Variants in GALNT13 observed in about 807,000 individuals in gnomAD.
GALNT13 encodes the protein UDP-GalNAc:polypeptide N-acetylgalactosaminyltransferase 13.
GALNT13 carries 28 observed loss-of-function variants against 64.2 expected under a neutral mutation model. The ratio of observed to expected loss-of-function variants is 0.44; its 90% CI spans 0.32 to 0.60. The LOEUF is 0.60. GALNT13 is among the 20% of genes least tolerant of loss of function. GALNT13 has a pLI of 0.05. For missense variants in GALNT13, 577 were observed against 669.8 expected (o/e 0.86, Z 1.53); for synonymous variants, 214 against 224.6 (o/e 0.95, Z 0.42).
At chr2:154,251,454 G>C (rs1241438240) in intron 7 of GALNT13, among the ~76,000 whole-genome samples, 1 of 152,156 alleles carries the variant, frequency 6.6e-6, no homozygotes, top group Non-Finnish European at 1.5e-5. Context: ...TTATTGGTAA[G>C]TGGGTTCTTT....
chr2:153,669,013 C>T, the GALNT13 span, among the ~76,000 whole-genome samples: 1 of 152,196 alleles, frequency 6.6e-6, no homozygotes, highest in East Asian at 1.9e-4. Context: ...GCCTTTCTGT[C>T]TGCTGGTCTT....
At chr2:153,989,902 T>G (rs1176242676) in intron 3 of GALNT13, among the ~76,000 whole-genome samples, 1 of 151,942 alleles carries the variant, frequency 6.6e-6, no homozygotes, top group Non-Finnish European at 1.5e-5. Flanking sequence ...ACAATAGAAT[T>G]AACTCCAGTA....
intron 4 of GALNT13, among the ~76,000 whole-genome samples, chr2:154,141,038 CATT>C (rs1683228966): frequency 6.6e-6 from 1 of 152,036 alleles, no homozygotes; most frequent in Non-Finnish European, 1.5e-5. Flanking sequence ...ATAAATGTAA[CATT>C]ATGTTAAGTA....
chr2:153,472,899 C>T, the GALNT13 span, among the ~76,000 whole-genome samples: 1 of 152,070 alleles, frequency 6.6e-6, no homozygotes. Context: ...ATGGATGAAG[C>T]TGGAAACCAT....
At chr2:153,286,111 C>G in the GALNT13 span, among the ~76,000 whole-genome samples, 1 of 151,972 alleles carries the variant, frequency 6.6e-6, no homozygotes, top group Non-Finnish European at 1.5e-5. Flanking sequence ...ATTAAAAGTA[C>G]TAGGAAATGA....
At chr2:153,115,072 C>A in the GALNT13 span, among the ~76,000 whole-genome samples, 1 of 151,284 alleles carries the variant, frequency 6.6e-6, no homozygotes, top group Non-Finnish European at 1.5e-5. Flanking sequence ...AAGCAGAATG[C>A]TTTCTTCATA....
At chr2:153,230,528 A>C in the GALNT13 span, among the ~76,000 whole-genome samples, 7 of 152,190 alleles carry the variant, frequency 4.6e-5, no homozygotes. Flanking sequence ...GGAACCCCAA[A>C]TAATTCATCA....
chr2:153,303,155 A>G, the GALNT13 span, among the ~76,000 whole-genome samples: 1 of 152,274 alleles, frequency 6.6e-6, no homozygotes, highest in Non-Finnish European at 1.5e-5. Flanking sequence ...TACAATATTA[A>G]TTCTGGAAAT....
the GALNT13 span, among the ~76,000 whole-genome samples, chr2:153,549,345 G>GT: frequency 2.6e-5 from 4 of 152,144 alleles, no homozygotes; most frequent in South Asian, 4.1e-4. Context: ...TTATTTAACT[G>GT]TTTTTTTAAG....
chr2:153,676,715 G>A, the GALNT13 span, among the ~76,000 whole-genome samples: 3 of 151,976 alleles, frequency 2.0e-5, no homozygotes, highest in Non-Finnish European at 2.9e-5. Context: ...ATGCAAGGAT[G>A]GTTCAACATA....
the GALNT13 span, among the ~76,000 whole-genome samples, chr2:153,752,874 A>G: frequency 6.6e-6 from 1 of 152,130 alleles, no homozygotes; most frequent in South Asian, 2.1e-4. Flanking sequence ...TAAGGCCAAT[A>G]ACTCTTAGAT....
rs138179325 is a variant in GALNT13 at position 154,056,020 on chromosome 2, T to A, written c.143-84317T>A. Among the ~76,000 whole-genome samples the A allele has an allele frequency of 5.8e-3, 887 of 152,248 alleles. 12 individuals carry two copies. Among genetic ancestry groups the A allele is most frequent in the Non-Finnish European group, 6.8e-3 (459 of 67,958 alleles). On this transcript the variant is annotated intron_variant, in intron 3 of 12. Transcript: ENST00000392825. ...TTGTAGTTATAATTCTGTGACAGGC[T>A]TTTCTTCATGTCAGAATTACTGATC...
At chr2:153,133,850 A>ATCT in the GALNT13 span, among the ~76,000 whole-genome samples, 1 of 152,206 alleles carries the variant, frequency 6.6e-6, no homozygotes. Flanking sequence ...TAACTGGAAG[A>ATCT]TAAGAGCTGT....
At chr2:153,329,815 A>G in the GALNT13 span, among the ~76,000 whole-genome samples, 10 of 152,136 alleles carry the variant, frequency 6.6e-5, no homozygotes, top group South Asian at 1.9e-3. Flanking sequence ...TTTTTGTTGC[A>G]ATTGCTTTTG....
chr2:153,522,248 G>C, the GALNT13 span, among the ~76,000 whole-genome samples: 1 of 151,890 alleles, frequency 6.6e-6, no homozygotes, highest in Admixed American at 6.6e-5. Flanking sequence ...TGGGAGAATC[G>C]TTTGAACCTG....
chr2:154,138,581 A>C (rs960516334), intron 3 of GALNT13, among the ~76,000 whole-genome samples: 1 of 151,808 alleles, frequency 6.6e-6, no homozygotes, highest in African/African-American at 2.4e-5. Context: ...GTTAAAAAAA[A>C]AAAAAAAACC....
chr2:154,276,330 A>G (rs755285476), intron 8 of GALNT13, among the ~76,000 whole-genome samples: 6 of 151,520 alleles, frequency 4.0e-5, no homozygotes, highest in Non-Finnish European at 8.8e-5. Flanking sequence ...AGCAATTCTC[A>G]TGCCTCAGCC....
At chr2:153,228,953 A>G in the GALNT13 span, among the ~76,000 whole-genome samples, 2 of 151,858 alleles carry the variant, frequency 1.3e-5, no homozygotes, top group East Asian at 1.9e-4. Context: ...GGGACAGAAA[A>G]TTACTTTGAC....
At chr2:153,467,564 G>A in the GALNT13 span, among the ~76,000 whole-genome samples, 1 of 151,988 alleles carries the variant, frequency 6.6e-6, no homozygotes, top group Non-Finnish European at 1.5e-5. Flanking sequence ...TTACCTGTAT[G>A]ACCTTGGAAA....
Sources: gnomAD v4.1 joint callset for allele counts (sites outside exome capture counted in the v4.1 genomes callset) on GRCh38, gnomAD v4.1.1 for gene constraint, MANE v1.5 for transcripts, NCBI Gene and HGNC (gene_info 2026-07-23, HGNC 2026-07-21) for gene names.